The following SEMA6A variants were observed in gnomAD, a reference collection of about 807,000 sequenced individuals.
SEMA6A encodes semaphorin 6A.
In SEMA6A, 25 loss-of-function variants were observed where a neutral mutation model predicts 96.8. The observed-to-expected ratio is 0.26, with a 90% CI of 0.19 to 0.36. The LOEUF (loss-of-function observed/expected upper bound fraction) is 0.36, where lower values mean the gene tolerates loss of function less well. Among genes scored for constraint, SEMA6A ranks in the 10% least tolerant of loss-of-function variants. SEMA6A has a pLI of 1.00. For missense variants in SEMA6A, 1,363 were observed against 1,323.1 expected (o/e 1.03, Z -0.47); for synonymous variants, 612 against 518.0 (o/e 1.18, Z -2.46).
intron 1 of SEMA6A, among the ~76,000 whole-genome samples, chr5:116,508,980 C>T (rs1758272996): frequency 6.6e-6 from 1 of 152,208 alleles, no homozygotes; most frequent in Admixed American, 6.5e-5. Flanking sequence ...CCATGTGGAA[C>T]CCACTGTCTA....
chr5:116,544,386 G>T (rs1321279003), intron 1 of SEMA6A, among the ~76,000 whole-genome samples: 2 of 152,064 alleles, frequency 1.3e-5, no homozygotes, highest in Non-Finnish European at 2.9e-5. Flanking sequence ...GACATCCTGG[G>T]CTCAAGCAAT....
At position 116,482,580 on chromosome 5, in the gene SEMA6A, A is replaced by G. The variant is rs752285675; in HGVS notation, c.963-5T>C. 2 of 1,613,346 alleles carry G rather than the reference A, an allele frequency of 1.2e-6. No homozygotes were observed. Among genetic ancestry groups the G allele is most frequent in the Non-Finnish European group, 1.7e-6 (2 of 1,179,478 alleles). ...CAGACTGCAGACCCAGGGATGCTAC[A>G]ACATGATATTTCACATCAAGTGTTA... On this transcript the variant is annotated splice_polypyrimidine_tract_variant and splice_region_variant and intron_variant, in intron 10 of 18. Coordinates refer to ENST00000343348, the MANE Select transcript of SEMA6A (RefSeq NM_020796.5).
At chr5:116,500,536 G>C (rs1361285550) in intron 3 of SEMA6A, among the ~76,000 whole-genome samples, 2 of 152,158 alleles carry the variant, frequency 1.3e-5, no homozygotes, top group Non-Finnish European at 2.9e-5. Context: ...CTTTAGGAAA[G>C]TATTTGGACA....
intron 15 of SEMA6A, among the ~76,000 whole-genome samples, chr5:116,477,385 A>G (rs1454501953): frequency 6.6e-6 from 1 of 152,226 alleles, no homozygotes; most frequent in African/African-American, 2.4e-5. Context: ...TATTGGATGT[A>G]TACACCATGC....
chr5:116,562,578 G>C (rs1760859932), intron 1 of SEMA6A: 1 of 636,740 alleles, frequency 1.6e-6, no homozygotes, highest in African/African-American at 1.8e-5. Flanking sequence ...CCTCGAAAGG[G>C]GAAGGAAAAG....
Position 116,486,842 on chromosome 5 carries a change from T to C in SEMA6A, c.869A>G (p.His290Arg). Residue 290 changes from histidine to arginine, a missense_variant, in exon 10 of 19, where the codon CAT (histidine) becomes CGT (arginine). By Grantham distance (29) the His-to-Arg change is conservative. Coordinates refer to ENST00000343348, the MANE Select transcript of SEMA6A (RefSeq NM_020796.5). ...TGCCTGGAGAATGTTGAAATAAAAATGAGAGTCTCCAGGAACTGAGCAGTT... is the reference window on the plus strand; with the variant it reads ...TGCCTGGAGAATGTTGAAATAAAAACGAGAGTCTCCAGGAACTGAGCAGTT... Reference protein sequence around the residue: ...RLNCSVPGDSHFYFNILQAVT... With the variant: ...RLNCSVPGDSRFYFNILQAVT... 6.2e-7 allele frequency: 1 copy of C among 1,613,782 alleles called. No individual in the cohort carries two copies. The highest frequency in any genetic ancestry group is 8.5e-7 in the Non-Finnish European group (1 of 1,179,798).
intron 1 of SEMA6A, among the ~76,000 whole-genome samples, chr5:116,519,008 A>G (rs898031549): frequency 2.0e-5 from 3 of 152,216 alleles, no homozygotes; most frequent in African/African-American, 4.8e-5. Context: ...GTTAAAAAAA[A>G]AAAAGTCATT....
At chr5:116,495,361 A>AATT in intron 6 of SEMA6A, 52 bp downstream of exon 6, 7 of 1,354,448 alleles carry the variant, frequency 5.2e-6, no homozygotes, top group Admixed American at 1.9e-5. Flanking sequence ...AATCACAGTA[A>AATT]ATTATGAAAT....
intron 1 of SEMA6A, among the ~76,000 whole-genome samples, chr5:116,528,384 G>A (rs941539769): frequency 6.6e-6 from 1 of 152,116 alleles, no homozygotes; most frequent in African/African-American, 2.4e-5. Context: ...CTCCTGCCCA[G>A]CCCCATCCTC....
intron 1 of SEMA6A, among the ~76,000 whole-genome samples, chr5:116,571,411 G>C (rs1049022860): frequency 6.6e-6 from 1 of 152,182 alleles, no homozygotes; most frequent in African/African-American, 2.4e-5. Context: ...GGGGAAGGTT[G>C]TCACCCACAA....
chr5:116,445,901 T>G lies in SEMA6A; in HGVS notation c.*712A>C, dbSNP rs1450749207. On this transcript the variant is annotated 3_prime_UTR_variant, in exon 19 of 19. Coordinates refer to ENST00000343348, the MANE Select transcript of SEMA6A (RefSeq NM_020796.5). ...GTCCTTTCCTTAAGGAAAAAAAGGG[T>G]GAACAATAAATAAAGAGTTACTTGC... 6.6e-6 allele frequency: 1 copy of G among 152,610 alleles called. No homozygotes were observed. Among genetic ancestry groups the G allele is most frequent in the Non-Finnish European group, 1.5e-5 (1 of 68,014 alleles). 9.5% of individuals were successfully genotyped at this position (152,610 alleles called of 1,614,324 possible). A position where few individuals can be genotyped will look rare whatever the true frequency, so the allele number is the denominator to read the frequency against.
chr5:116,500,382 T>G (rs764860193), intron 3 of SEMA6A, among the ~76,000 whole-genome samples: 1 of 152,148 alleles, frequency 6.6e-6, no homozygotes, highest in Non-Finnish European at 1.5e-5. Flanking sequence ...CTATAAGACA[T>G]GGGAATAATA....
chr5:116,482,074 A>C (rs1002879560), intron 11 of SEMA6A, among the ~76,000 whole-genome samples: 1 of 152,124 alleles, frequency 6.6e-6, no homozygotes, highest in Non-Finnish European at 1.5e-5. Context: ...GGGTCTCTAT[A>C]AAATTGAAAG....
chr5:116,520,499 T>C (rs988879241), intron 1 of SEMA6A, among the ~76,000 whole-genome samples: 3 of 152,104 alleles, frequency 2.0e-5, no homozygotes, highest in African/African-American at 7.2e-5. Context: ...CAGGACAATT[T>C]CTGAAAAATC....
intron 1 of SEMA6A, among the ~76,000 whole-genome samples, chr5:116,557,991 G>A (rs936195023): frequency 6.6e-6 from 1 of 152,160 alleles, no homozygotes; most frequent in Admixed American, 6.5e-5. Context: ...CTCAAATATG[G>A]TGTCCCAACA....
Position 116,486,687 on chromosome 5 carries a change from A to G in SEMA6A, c.962+62T>C, listed in dbSNP as rs547236744. 647 of 1,358,670 alleles carry G rather than the reference A, an allele frequency of 4.8e-4. 5 individuals carry two copies. In the South Asian group the frequency reaches 7.5e-3, roughly 16 times the overall value. 84.2% of individuals were successfully genotyped at this position (1,358,670 alleles called of 1,614,324 possible). On this transcript the variant is annotated intron_variant, in intron 10 of 18. Transcript: ENST00000343348. ...TGCAAATATGGTTTATTAGAAGAGAACCCCCTGGGAGAAGGAAGCCAGGAA... is the reference window on the plus strand; with the variant it reads ...TGCAAATATGGTTTATTAGAAGAGAGCCCCCTGGGAGAAGGAAGCCAGGAA...
rs1580431025 is a variant in SEMA6A, at chr5:116,447,033, C to T, written c.2673G>A (p.Pro891=). 2 of 1,613,892 alleles carry T rather than the reference C, an allele frequency of 1.2e-6. No homozygotes were observed. Among genetic ancestry groups the T allele is most frequent in the Non-Finnish European group, 1.7e-6 (2 of 1,179,852 alleles). The part of the protein sequence containing the change: ...VPQREASLGP[P]GASLSQTGLS... ...GACCGGTCTGAGACAGGGAGGCTCC[C>T]GGGGGACCCAGGGAGGCCTCCCGCT... Residue 891 remains proline (P), a synonymous_variant, in exon 19 of 19, where the codon CCG becomes CCA. Coordinates refer to ENST00000343348, the MANE Select transcript of SEMA6A (RefSeq NM_020796.5).
chr5:116,497,580 C>T (rs1757662669), intron 3 of SEMA6A, among the ~76,000 whole-genome samples, 193 bp from the exon 4 acceptor site: 1 of 152,190 alleles, frequency 6.6e-6, no homozygotes, highest in African/African-American at 2.4e-5. Context: ...TAAATCATGG[C>T]ATTGTGCTCC....
At chr5:116,494,966 G>A (rs905527680) in intron 6 of SEMA6A, among the ~76,000 whole-genome samples, 6 of 152,176 alleles carry the variant, frequency 3.9e-5, no homozygotes, top group African/African-American at 1.4e-4. Context: ...AGTGCTCAAT[G>A]GAATTAAATT....
Sources: gnomAD v4.1 joint callset for allele counts (sites outside exome capture counted in the v4.1 genomes callset) on GRCh38, gnomAD v4.1.1 for gene constraint, MANE v1.5 for transcripts, NCBI Gene and HGNC (gene_info 2026-07-23, HGNC 2026-07-21) for gene names.